PLCB1: variants seen among roughly 807,000 people sequenced by gnomAD.
PLCB1 encodes phospholipase C beta 1, also known as 1-phosphatidylinositol 4,5-bisphosphate phosphodiesterase beta-1.
In PLCB1, 46 loss-of-function variants were observed where a neutral mutation model predicts 161.8. That is an observed-to-expected ratio of 0.28 (90% CI 0.22 to 0.36). The LOEUF (loss-of-function observed/expected upper bound fraction) is 0.36. Ranked by LOEUF, PLCB1 falls within the 10% of genes least tolerant of loss-of-function variation. PLCB1 has a pLI of 1.00. For missense variants in PLCB1, 1,016 were observed against 1,472.5 expected (o/e 0.69, Z 5.07); for synonymous variants, 517 against 503.7 (o/e 1.03, Z -0.35).
intron 27 of PLCB1, among the ~76,000 whole-genome samples, chr20:8,778,686 C>T (rs1371587903): frequency 6.6e-6 from 1 of 152,190 alleles, no homozygotes; most frequent in Non-Finnish European, 1.5e-5. Context: ...AAGTGCTCAC[C>T]CCTGCACCAC....
At chr20:8,292,251 C>G (rs747597785) in intron 2 of PLCB1, among the ~76,000 whole-genome samples, 36 of 152,044 alleles carry the variant, frequency 2.4e-4, no homozygotes, top group Non-Finnish European at 4.4e-4. Flanking sequence ...AAAGCTTCTG[C>G]TTGCCTGCAA....
chr20:8,862,700 G>A (rs929615134), intron 31 of PLCB1, among the ~76,000 whole-genome samples: 2 of 152,160 alleles, frequency 1.3e-5, no homozygotes, highest in African/African-American at 4.8e-5. Context: ...AGGTCAGCAT[G>A]CATCAAGGAC....
chr20:8,312,139 C>A (rs1984429611), intron 2 of PLCB1, among the ~76,000 whole-genome samples: 1 of 152,138 alleles, frequency 6.6e-6, no homozygotes, highest in Non-Finnish European at 1.5e-5. Context: ...AGACTCACAG[C>A]TGCCTTCACT....
At chr20:8,469,836 C>T (rs893096309) in intron 3 of PLCB1, among the ~76,000 whole-genome samples, 4 of 152,220 alleles carry the variant, frequency 2.6e-5, no homozygotes, top group East Asian at 1.9e-4. Flanking sequence ...TAGGTTTCAG[C>T]GTATTCGTAG....
intron 2 of PLCB1, among the ~76,000 whole-genome samples, chr20:8,340,163 C>T (rs896429591): frequency 2.6e-5 from 4 of 152,120 alleles, no homozygotes; most frequent in Non-Finnish European, 5.9e-5. Context: ...CTCCTGGGAA[C>T]GGACCTAGGA....
intron 3 of PLCB1, among the ~76,000 whole-genome samples, chr20:8,575,915 T>C (rs2123063894): frequency 6.6e-6 from 1 of 152,310 alleles, no homozygotes; most frequent in South Asian, 2.1e-4. Flanking sequence ...TCAAACTCAG[T>C]AAGAAATAAA....
chr20:8,581,125 A>G (rs758426262), intron 3 of PLCB1, among the ~76,000 whole-genome samples: 1 of 152,196 alleles, frequency 6.6e-6, no homozygotes, highest in Non-Finnish European at 1.5e-5. Context: ...CTGCCTGCTT[A>G]AAAGGTTATT....
Position 8,589,179 on chromosome 20 carries a change from C to T in PLCB1, c.247-39115C>T, listed in dbSNP as rs1041738795. On this transcript the variant is annotated intron_variant, in intron 3 of 31. Coordinates refer to ENST00000338037, the MANE Select transcript of PLCB1 (RefSeq NM_015192.4). ...TCTCATTTTATCAGGGTAGACAGAA[C>T]GAAGACATGAACAATGTTTTGAAAC... is the stretch of plus-strand genomic sequence containing the variant. 4.8e-5 allele frequency among the ~76,000 whole-genome samples: 7 copies of T among 147,104 alleles called. No homozygotes were observed. In the East Asian group the frequency reaches 1.4e-3, roughly 30 times the overall value.
chr20:8,322,485 G>T (rs1191040805), intron 2 of PLCB1, among the ~76,000 whole-genome samples: 1 of 151,610 alleles, frequency 6.6e-6, no homozygotes, highest in African/African-American at 2.4e-5. Flanking sequence ...AAAAAAATCA[G>T]TAGGTAGAAT....
At chr20:8,306,306 T>G (rs1231363786) in intron 2 of PLCB1, 1 of 152,174 alleles carries the variant, frequency 6.6e-6, no homozygotes, top group African/African-American at 2.4e-5. Flanking sequence ...CCAAAATGAA[T>G]TCATTATGAC....
chr20:8,155,014 T>C (rs914666548), intron 2 of PLCB1, among the ~76,000 whole-genome samples: 6 of 152,202 alleles, frequency 3.9e-5, no homozygotes, highest in Non-Finnish European at 7.3e-5. Context: ...TTAATCCATA[T>C]GTAATGTATT....
At position 8,789,578 on chromosome 20, in the gene PLCB1, A is replaced by G. The variant is rs773248262; in HGVS notation, c.3336+3A>G. 9 of 1,600,738 alleles carry G rather than the reference A, an allele frequency of 5.6e-6. No individual in the cohort carries two copies. In the East Asian group the frequency reaches 6.7e-5, roughly 12 times the overall value. ...AAGTGGTGCAGTATATCAAGAGGGT[A>G]TGTGGGCTCATCACGCTCTCTCCTT... On this transcript the variant is annotated splice_donor_region_variant and intron_variant, in intron 30 of 31. Transcript: ENST00000338037.
rs1316183120 is a variant in PLCB1, at chr20:8,708,693, G to T, written c.1191G>T (p.Glu397Asp). The T allele has an allele frequency of 6.2e-7, 1 of 1,612,974 alleles. No homozygotes were observed. Among genetic ancestry groups the T allele is most frequent in the East Asian group, 2.2e-5 (1 of 44,844 alleles). Residue 397 changes from glutamate to aspartate, a missense_variant, in exon 12 of 32, where the codon GAG becomes GAT. Glu to Asp is a conservative substitution (Grantham distance 45). Coordinates refer to ENST00000338037, the MANE Select transcript of PLCB1 (RefSeq NM_015192.4). ...SFKEVIEAIA[E>D]CAFKTSPFPI... ...AGGAAGTGATAGAAGCAATTGCGGA[G>T]TGTGCATTTAAGACTTCACCTTTTC...
intron 1 of PLCB1, among the ~76,000 whole-genome samples, chr20:8,138,482 G>T (rs1172822433): frequency 6.6e-6 from 1 of 152,166 alleles, no homozygotes. Flanking sequence ...TGGTCTTCTT[G>T]TTACTGGAGC....
chr20:8,469,604 T>G (rs1243107496), intron 3 of PLCB1, among the ~76,000 whole-genome samples: 1 of 152,154 alleles, frequency 6.6e-6, no homozygotes, highest in East Asian at 1.9e-4. Context: ...ACAACCATTG[T>G]TACTAATTGA....
intron 1 of PLCB1, among the ~76,000 whole-genome samples, chr20:8,145,117 C>T (rs2051440471): frequency 1.3e-5 from 2 of 152,050 alleles, no homozygotes; most frequent in South Asian, 2.1e-4. Flanking sequence ...TTTATTTTCT[C>T]ACAGTTTGGG....
intron 31 of PLCB1, among the ~76,000 whole-genome samples, chr20:8,878,108 C>G (rs1359904734): frequency 6.6e-6 from 1 of 152,116 alleles, no homozygotes; most frequent in African/African-American, 2.4e-5. Context: ...TAGTACTTAT[C>G]AAGCACTATG....
At chr20:8,402,068 T>C (rs1190402897) in intron 3 of PLCB1, among the ~76,000 whole-genome samples, 2 of 152,226 alleles carry the variant, frequency 1.3e-5, no homozygotes, top group Admixed American at 6.5e-5. Context: ...CATTGACTTT[T>C]CTATATATTT....
At chr20:8,822,368 G>A (rs1985475200) in intron 31 of PLCB1, among the ~76,000 whole-genome samples, 2 of 152,166 alleles carry the variant, frequency 1.3e-5, no homozygotes, top group Admixed American at 6.5e-5. Context: ...AGAATACAGA[G>A]TGAACAGGAA....
Sources: allele counts gnomAD v4.1 joint callset (sites outside exome capture counted in the v4.1 genomes callset), GRCh38; gene constraint gnomAD v4.1.1; transcripts MANE v1.5; gene names NCBI Gene and HGNC (gene_info 2026-07-23, HGNC 2026-07-21).